SLC23A2: variants seen among roughly 807,000 people sequenced by gnomAD.
SLC23A2 encodes solute carrier family 23 member 2, also known as Na(+)/L-ascorbic acid transporter 2.
A neutral mutation model predicts 73.3 loss-of-function variants in SLC23A2; 36 were observed. That is an observed-to-expected ratio of 0.49 (90% CI 0.38 to 0.65). SLC23A2 has a LOEUF of 0.65. Ranked by LOEUF, SLC23A2 falls within the 30% of genes least tolerant of loss-of-function variation. SLC23A2 has a pLI of 0.00. For synonymous variants in SLC23A2, 343 were observed against 327.3 expected (o/e 1.05, Z -0.52); for missense variants, 507 against 841.6 (o/e 0.60, Z 4.92).
intron 9 of SLC23A2, among the ~76,000 whole-genome samples, chr20:4,882,611 G>A (rs1930934560): frequency 6.6e-6 from 1 of 152,148 alleles, no homozygotes; most frequent in South Asian, 2.1e-4. Context: ...CACCACCTGG[G>A]TTTTGAAACC....
intron 11 of SLC23A2, among the ~76,000 whole-genome samples, chr20:4,870,451 C>G: frequency 6.6e-6 from 1 of 152,058 alleles, no homozygotes; most frequent in East Asian, 1.9e-4. Context: ...GGGGCATGTG[C>G]CTGTAATTCC....
At chr20:5,003,285 G>A (rs1238712753), upstream of SLC23A2, among the ~76,000 whole-genome samples, 3 of 152,118 alleles carry the variant, frequency 2.0e-5, no homozygotes, top group African/African-American at 7.2e-5. Context: ...TCGGGAGGCT[G>A]AGGCAGGAGA....
chr20:4,933,344 C>CTA (rs2122946525), intron 2 of SLC23A2, among the ~76,000 whole-genome samples: 1 of 152,158 alleles, frequency 6.6e-6, no homozygotes, highest in South Asian at 2.1e-4. Context: ...TGGCTCATAC[C>CTA]TATACTCCCA....
intron 2 of SLC23A2, among the ~76,000 whole-genome samples, chr20:4,943,505 CAA>C (rs113137051): frequency 3.6e-5 from 5 of 139,250 alleles, no homozygotes; most frequent in African/African-American, 5.1e-5. Flanking sequence ...CCATTTCTAC[CAA>C]AAAAAAAAAA....
intron 1 of SLC23A2, among the ~76,000 whole-genome samples, chr20:4,976,363 C>G (rs1025346822): frequency 5.9e-5 from 9 of 152,130 alleles, no homozygotes; most frequent in Admixed American, 1.3e-4. Flanking sequence ...GCAATTTCTT[C>G]TATTACTTTT....
intron 1 of SLC23A2, among the ~76,000 whole-genome samples, chr20:5,000,454 G>A (rs1020364102): frequency 5.3e-5 from 8 of 152,020 alleles, no homozygotes; most frequent in African/African-American, 1.9e-4. Context: ...GCACATCCCG[G>A]GGCCTTCTCT....
At chr20:4,961,303 G>C (rs534561687) in intron 2 of SLC23A2, among the ~76,000 whole-genome samples, 7 of 151,936 alleles carry the variant, frequency 4.6e-5, no homozygotes, top group Middle Eastern at 3.4e-3. Flanking sequence ...GGATGGTCTC[G>C]ATCTCCCTGA....
At chr20:4,933,876 C>T (rs1181020728) in intron 2 of SLC23A2, among the ~76,000 whole-genome samples, 1 of 152,132 alleles carries the variant, frequency 6.6e-6, no homozygotes. Context: ...GAGGACAGGA[C>T]TGCAATAAGT....
At chr20:4,914,964 T>C (rs1311648215) in intron 3 of SLC23A2, among the ~76,000 whole-genome samples, 2 of 152,066 alleles carry the variant, frequency 1.3e-5, no homozygotes, top group Non-Finnish European at 2.9e-5. Flanking sequence ...TGCTGGAACA[T>C]GAAAGGTGGG....
At chr20:4,987,263 C>T (rs541040135) in intron 1 of SLC23A2, among the ~76,000 whole-genome samples, 24 of 152,218 alleles carry the variant, frequency 1.6e-4, no homozygotes, top group Non-Finnish European at 2.9e-5. Flanking sequence ...AACAAAAACC[C>T]ATCAAACTTC....
At chr20:4,885,491 T>C (rs1931061277) in intron 7 of SLC23A2, among the ~76,000 whole-genome samples, 1 of 152,234 alleles carries the variant, frequency 6.6e-6, no homozygotes. Context: ...GAGTGATTAC[T>C]GGTGGGTCAT....
At chr20:4,896,768 G>C (rs1931538833) in intron 6 of SLC23A2, among the ~76,000 whole-genome samples, 1 of 152,156 alleles carries the variant, frequency 6.6e-6, no homozygotes, top group South Asian at 2.1e-4. Context: ...AAGTAACCAA[G>C]TAACGTCCTT....
chr20:4,921,446 C>A (rs1387800486), intron 3 of SLC23A2, among the ~76,000 whole-genome samples: 1 of 151,834 alleles, frequency 6.6e-6, no homozygotes, highest in Non-Finnish European at 1.5e-5. Context: ...ACTAGCTGGG[C>A]GTGGTGGTGC....
In SLC23A2 at chr20:4,867,837, C is replaced by G. The variant is rs868729074; in HGVS notation, c.1289G>C (p.Gly430Ala). 1 of 1,610,886 alleles carries G rather than the reference C, an allele frequency of 6.2e-7. No homozygotes were observed. Among genetic ancestry groups the G allele is most frequent in the Non-Finnish European group, 8.5e-7 (1 of 1,177,366 alleles). Reference sequence around the variant, plus strand: ...AGAGCCATTCCCAGTACCAAATATGCCATCAAGAACACAGGAGAGGCCTTC... The same window carrying G: ...AGAGCCATTCCCAGTACCAAATATGGCATCAAGAACACAGGAGAGGCCTTC... ...FVEGLSCVLD[G>A]IFGTGNGSTS... The change falls in exon 13 of 17, where the codon GGC becomes GCC. Residue 430 changes from glycine (G) to alanine (A), a missense_variant. Around this residue, in one of 5 missense-constraint regions of SLC23A2, gnomAD observed 168 missense variants for 302.3 expected, o/e 0.56. Transcript: ENST00000338244.
chr20:4,930,162 G>A (rs553209154), intron 3 of SLC23A2, among the ~76,000 whole-genome samples: 2 of 152,340 alleles, frequency 1.3e-5, no homozygotes, highest in African/African-American at 4.8e-5. Context: ...GTTGAGACAT[G>A]TTCAAGTTCT....
chr20:4,993,287 G>A (rs370882521), intron 1 of SLC23A2, among the ~76,000 whole-genome samples: 20 of 113,108 alleles, frequency 1.8e-4, no homozygotes, highest in East Asian at 7.3e-4. Context: ...CAGCCTGGGC[G>A]ACAAAGCAAG....
chr20:4,922,921 T>A (rs552217111), intron 3 of SLC23A2, among the ~76,000 whole-genome samples: 2 of 152,078 alleles, frequency 1.3e-5, no homozygotes, highest in African/African-American at 2.4e-5. Flanking sequence ...TAAGAGACTG[T>A]AGCAAGAACC....
At position 4,947,411 on chromosome 20, in the gene SLC23A2, T is replaced by C. The variant is rs2087134917; in HGVS notation, c.-154-14695A>G. Among the ~76,000 whole-genome samples, 1 of 152,252 alleles carries C rather than the reference T, an allele frequency of 6.6e-6. No homozygotes were observed. The highest frequency in any genetic ancestry group is 1.5e-5 in the Non-Finnish European group (1 of 68,042). On this transcript the variant is annotated intron_variant, in intron 2 of 16. Transcript: ENST00000338244. This position sits in a 1 kb window ranked among gnomAD's most constrained non-coding sequence, Gnocchi z 4.4. ...TATTGCATTTATTTCTACTACGTGATTTAACACATCACTTTTTGCACACAT... is the reference window on the plus strand; with the variant it reads ...TATTGCATTTATTTCTACTACGTGACTTAACACATCACTTTTTGCACACAT...
At chr20:4,928,993 T>C (rs1932755183) in intron 3 of SLC23A2, among the ~76,000 whole-genome samples, 1 of 152,228 alleles carries the variant, frequency 6.6e-6, no homozygotes, top group Non-Finnish European at 1.5e-5. Flanking sequence ...GGCTCACGCC[T>C]GTAATCCCAA....
Sources: gnomAD v4.1 joint callset for allele counts (sites outside exome capture counted in the v4.1 genomes callset) on GRCh38, gnomAD v4.1.1 for gene constraint, gnomAD v4.1.1 regional missense constraint, Gnocchi (gnomAD v3.1) non-coding constraint, MANE v1.5 for transcripts, NCBI Gene and HGNC (gene_info 2026-07-23, HGNC 2026-07-21) for gene names.